GCC2: variants seen among roughly 807,000 people sequenced by gnomAD.
GCC2 encodes GRIP and coiled-coil domain-containing protein 2.
In GCC2, 120 loss-of-function variants were observed where a neutral mutation model predicts 210.6. That is an observed-to-expected ratio of 0.57 (90% CI 0.49 to 0.66). The LOEUF is 0.66. GCC2 is among the 30% of genes least tolerant of loss of function. GCC2 has a pLI of 0.00. For synonymous variants in GCC2, 703 were observed against 652.7 expected (o/e 1.08, Z -1.17); for missense variants, 1,868 against 1,871.9 (o/e 1.00, Z 0.04).
chr2:108,459,858 A>C (rs1680472846), intron 4 of GCC2, among the ~76,000 whole-genome samples: 1 of 147,942 alleles, frequency 6.8e-6, no homozygotes, highest in Non-Finnish European at 1.5e-5. Flanking sequence ...TGAACCTGGA[A>C]TGCAGAGGTT....
chr2:108,475,473 G>A, intron 7 of GCC2, 62 bp from the exon 8 acceptor site: 1 of 691,240 alleles, frequency 1.4e-6, no homozygotes, highest in Non-Finnish European at 2.3e-6. Context: ...GCTAAAATAA[G>A]CAAGTAATTT....
At chr2:108,479,329 G>A (rs1049799867) in intron 9 of GCC2, among the ~76,000 whole-genome samples, 3 of 152,078 alleles carry the variant, frequency 2.0e-5, no homozygotes, top group African/African-American at 2.4e-5. Flanking sequence ...ACAAAAGTGC[G>A]TTAGTCAAGG....
At chr2:108,491,941 T>C (rs544256938) in intron 18 of GCC2, among the ~76,000 whole-genome samples, 6 of 152,208 alleles carry the variant, frequency 3.9e-5, no homozygotes, top group Admixed American at 2.6e-4. Context: ...CTGGAACCAC[T>C]ACTGAGATCC....
intron 17 of GCC2, among the ~76,000 whole-genome samples, chr2:108,489,492 G>A (rs1056891371): frequency 1.3e-5 from 2 of 151,594 alleles, no homozygotes; most frequent in Non-Finnish European, 2.9e-5. Flanking sequence ...TCCAGCCTGG[G>A]CAACAGAGCC....
At position 108,469,863 on chromosome 2, in the gene GCC2, T is replaced by C. The variant is rs759864429; in HGVS notation, c.534T>C (p.Asp178=). 14 of 1,612,352 alleles carry C rather than the reference T, an allele frequency of 8.7e-6. No homozygotes were observed. Among genetic ancestry groups the C allele is most frequent in the Non-Finnish European group, 1.0e-5 (12 of 1,179,352 alleles). The change falls in exon 6 of 23, where the codon GAT becomes GAC. Residue 178 remains aspartate (D), a synonymous_variant. Transcript: ENST00000309863. ...TTAAATTTCAGAACAACTCTGAAGA[T>C]AATGTTAAAAAACTACAAGAAGAGA... The part of the protein sequence containing the change: ...EQLKFQNNSE[D]NVKKLQEEIE...
chr2:108,478,192 T>A (rs765679762), intron 9 of GCC2, among the ~76,000 whole-genome samples: 3 of 152,174 alleles, frequency 2.0e-5, no homozygotes, highest in Non-Finnish European at 2.9e-5. Flanking sequence ...TTAAATGGGT[T>A]TTTTAATGGA....
At position 108,484,328 on chromosome 2, in the gene GCC2, T is replaced by C; in HGVS notation, c.3613+17T>C. 1 of 1,371,412 alleles carries C rather than the reference T, an allele frequency of 7.3e-7. No individual in the cohort carries two copies. The highest frequency in any genetic ancestry group is 9.9e-7 in the Non-Finnish European group (1 of 1,005,970). 85.0% of individuals were successfully genotyped at this position (1,371,412 alleles called of 1,614,324 possible). A position where few individuals can be genotyped will look rare whatever the true frequency, so the allele number is the denominator to read the frequency against. ...AAGAAATAAGTGAGTTAAAGAAAAT[T>C]CACTTTACTTTTTAATTATTTCATC... On this transcript the variant is annotated intron_variant, in intron 13 of 22. Transcript: ENST00000309863.
chr2:108,506,626 C>G (rs1683200281), intron 22 of GCC2, among the ~76,000 whole-genome samples: 1 of 152,144 alleles, frequency 6.6e-6, no homozygotes, highest in Non-Finnish European at 1.5e-5. Context: ...ATGATTAAAA[C>G]TTTGGTTTTT....
intron 4 of GCC2, among the ~76,000 whole-genome samples, chr2:108,455,958 C>G (rs141572855): frequency 7.2e-5 from 11 of 152,184 alleles, no homozygotes; most frequent in East Asian, 1.9e-4. Flanking sequence ...TATGGTAGCT[C>G]TATTTTTAGT....
At chr2:108,480,727 A>G (rs1681809687) in intron 9 of GCC2, among the ~76,000 whole-genome samples, 1 of 149,262 alleles carries the variant, frequency 6.7e-6, no homozygotes, top group Non-Finnish European at 1.5e-5. Flanking sequence ...ATACAGAGGA[A>G]CAACAGACAC....
At chr2:108,450,508 T>G (rs986128437) in intron 2 of GCC2, among the ~76,000 whole-genome samples, 1 of 152,172 alleles carries the variant, frequency 6.6e-6, no homozygotes, top group African/African-American at 2.4e-5. Flanking sequence ...TATGGCCTGG[T>G]TTTTACGTTT....
intron 22 of GCC2, among the ~76,000 whole-genome samples, chr2:108,506,111 A>G (rs1356574891): frequency 1.3e-5 from 2 of 152,212 alleles, no homozygotes; most frequent in Non-Finnish European, 2.9e-5. Flanking sequence ...ATGCACTTTA[A>G]AAAGGTGAAT....
chr2:108,487,957 A>C (rs915371315), intron 17 of GCC2, 137 bp downstream of exon 17: 1 of 818,944 alleles, frequency 1.2e-6, no homozygotes, highest in Non-Finnish European at 1.8e-6. Context: ...CCCAGGCTGG[A>C]GTGCAGTGGT....
intron 9 of GCC2, among the ~76,000 whole-genome samples, chr2:108,479,495 GT>G (rs1324708864): frequency 6.6e-6 from 1 of 152,010 alleles, no homozygotes. Context: ...GCAAATATTA[GT>G]TGGCTGTAGT....
intron 4 of GCC2, among the ~76,000 whole-genome samples, chr2:108,453,874 C>CT (rs1680098547): frequency 6.6e-6 from 1 of 151,974 alleles, no homozygotes; most frequent in South Asian, 2.1e-4. Flanking sequence ...CATTCCCTCA[C>CT]TTTCATTGCC....
At chr2:108,462,576 T>TG (rs1680656198) in intron 4 of GCC2, 10 of 143,612 alleles carry the variant, frequency 7.0e-5, no homozygotes, top group Non-Finnish European at 1.5e-4. Context: ...TTTTTTTTTT[T>TG]TTTTGAGACA....
chr2:108,486,403 G>T, intron 15 of GCC2, 108 bp from the exon 16 acceptor site: 1 of 952,312 alleles, frequency 1.1e-6, no homozygotes. Flanking sequence ...ACTTAATTAT[G>T]CCTTATATGT....
At chr2:108,458,530 T>A (rs1229604093) in intron 4 of GCC2, among the ~76,000 whole-genome samples, 1 of 152,036 alleles carries the variant, frequency 6.6e-6, no homozygotes, top group African/African-American at 2.4e-5. Context: ...TTGGTAGAAT[T>A]CAGTGTGCAT....
At position 108,471,507 on chromosome 2, in the gene GCC2, A is replaced by G. The variant is rs776412280; in HGVS notation, c.2178A>G (p.Gln726=). ...TTATCCTTAAAGAACATATTACTCA[A>G]TTAGAAAAGAAACTTCAGTTAATGG... ...EDVILKEHIT[Q]LEKKLQLMVE... Residue 726 remains glutamine (Q), a synonymous_variant, in exon 6 of 23, where the codon CAA becomes CAG. Transcript: ENST00000309863. 1.8e-5 allele frequency: 29 copies of G among 1,606,264 alleles called. No homozygotes were observed. Among genetic ancestry groups the G allele is most frequent in the Middle Eastern group, 1.7e-4 (1 of 6,034 alleles).
Sources: allele counts gnomAD v4.1 joint callset (sites outside exome capture counted in the v4.1 genomes callset), GRCh38; gene constraint gnomAD v4.1.1; transcripts MANE v1.5; gene names NCBI Gene and HGNC (gene_info 2026-07-23, HGNC 2026-07-21).